INO80: variants seen among roughly 807,000 people sequenced by gnomAD.
INO80 encodes the protein INO80 complex ATPase subunit.
A neutral mutation model predicts 203.4 loss-of-function variants in INO80; 20 were observed. That is an observed-to-expected ratio of 0.10 (90% CI 0.07 to 0.14). INO80 has a LOEUF of 0.14. INO80 is among the 10% of genes least tolerant of loss of function. The probability of loss-of-function intolerance (pLI) is 1.00; values close to 1 mark genes in which losing one functional copy is unlikely to be tolerated. For synonymous variants in INO80, 726 were observed against 685.2 expected, an observed-to-expected ratio of 1.06 and a Z score of -0.93; for missense variants, 1,419 against 1,914.4, an observed-to-expected ratio of 0.74 and a Z score of 4.83.
chr15:41,021,352 CAA>C (rs1232906319), intron 25 of INO80, among the ~76,000 whole-genome samples: 2 of 152,108 alleles, frequency 1.3e-5, no homozygotes, highest in Non-Finnish European at 2.9e-5. Context: ...ACTAAAGATC[CAA>C]AGAGAGCTGG....
chr15:40,984,473 A>T, intron 32 of INO80, 121 bp from the exon 33 acceptor site: 1 of 887,350 alleles, frequency 1.1e-6, no homozygotes, highest in Non-Finnish European at 1.7e-6. Flanking sequence ...CTCAATTAGC[A>T]TATTTTTACG....
intron 14 of INO80, among the ~76,000 whole-genome samples, chr15:41,062,894 C>G (rs1000297687): frequency 6.6e-6 from 1 of 152,072 alleles, no homozygotes; most frequent in South Asian, 2.1e-4. Context: ...GTTATAGCAG[C>G]ACAAAACAAA....
intron 1 of INO80, among the ~76,000 whole-genome samples, chr15:41,098,767 G>A (rs1177777542): frequency 2.0e-5 from 3 of 152,050 alleles, no homozygotes; most frequent in Admixed American, 1.3e-4. Flanking sequence ...TTACACAGTT[G>A]TTTGTCAGTG....
chr15:41,036,921 C>CA (rs1456605881), intron 24 of INO80, among the ~76,000 whole-genome samples: 1 of 152,002 alleles, frequency 6.6e-6, no homozygotes, highest in East Asian at 1.9e-4. Flanking sequence ...GCCAATATGG[C>CA]AAAACCCCGT....
At position 40,980,218 on chromosome 15, in the gene INO80, G is replaced by C. The variant is rs1477821736; in HGVS notation, c.*5C>G. The C allele has an allele frequency of 6.2e-7, 1 of 1,611,678 alleles. No homozygotes were observed. Among genetic ancestry groups the C allele is most frequent in the South Asian group, 1.1e-5 (1 of 90,994 alleles). On this transcript the variant is annotated 3_prime_UTR_variant, in exon 36 of 36. Transcript: ENST00000648947. ...TGGTTGAAGGAAGTCGGAGGGCCCA[G>C]ATGGTTACCGTCCTCCAGAGGGGTT...
chr15:40,984,632 GAA>G (rs5812178), intron 32 of INO80, among the ~76,000 whole-genome samples: 75 of 132,894 alleles, frequency 5.6e-4, no homozygotes, highest in African/African-American at 1.1e-3. Context: ...CAGCTCAAAA[GAA>G]AAAAAAAAAA....
rs192453165 is a variant in INO80, at chr15:41,023,705, G to T, written c.3049-2580C>A. Among the ~76,000 whole-genome samples, 503 of 128,100 alleles carry T rather than the reference G, an allele frequency of 3.9e-3. 4 individuals are homozygous for T. The highest frequency in any genetic ancestry group is 7.2e-3 in the Admixed American group (76 of 10,502). The allele number at this position is 128,100 out of a possible 152,430, so 84.0% of individuals were successfully genotyped here. ...AATCACTTGAATCCAAGAGGTGGAG[G>T]TTACAGTGAGCTGAGATTGCACCAC... On this transcript the variant is annotated intron_variant, in intron 25 of 35. Transcript: ENST00000648947.
In INO80 at chr15:41,099,271, A is replaced by ACACC. The variant is rs1491224976; in HGVS notation, c.-43-2919_-43-2918insGGTG. On this transcript the variant is annotated intron_variant, in intron 1 of 35. Transcript: ENST00000648947. ...AAAAAAAAAAAAAAAAAAAAAACAA[A>ACACC]CACACACACACACACACAACAAGAG... 4.0e-3 allele frequency among the ~76,000 whole-genome samples: 317 copies of ACACC among 79,854 alleles called. 2 individuals carry two copies. Among genetic ancestry groups the ACACC allele is most frequent in the South Asian group, 0.021 (51 of 2,484 alleles). 52.4% of individuals were successfully genotyped at this position (79,854 alleles called of 152,430 possible).
chr15:41,110,309 C>G (rs769338352), intron 1 of INO80, among the ~76,000 whole-genome samples: 13 of 150,732 alleles, frequency 8.6e-5, no homozygotes, highest in Non-Finnish European at 1.6e-4. Context: ...CACACTCACC[C>G]AATTTTTGTG....
chr15:41,090,877 G>A (rs1596321641), intron 5 of INO80, among the ~76,000 whole-genome samples: 1 of 150,010 alleles, frequency 6.7e-6, no homozygotes, highest in African/African-American at 2.5e-5. Context: ...TAGTACATCC[G>A]AAGTATTAGT....
At chr15:41,001,055 T>A (rs540133678) in intron 28 of INO80, among the ~76,000 whole-genome samples, 1 of 152,350 alleles carries the variant, frequency 6.6e-6, no homozygotes, top group Admixed American at 6.5e-5. Flanking sequence ...ACTATACTGC[T>A]GTAAAAAACA....
At position 41,085,425 on chromosome 15, in the gene INO80, G is replaced by A. The variant is rs1449157066; in HGVS notation, c.817C>T (p.Leu273=). The change falls in exon 7 of 36, where the codon CTG becomes TTG. Residue 273 remains leucine (L), a synonymous_variant. Coordinates refer to ENST00000648947, the MANE Select transcript of INO80 (RefSeq NM_017553.3). ...CATACTTTCCTGCGACGAGCATTCA[G>A]CTGCTCAATGGATAAGTGCTTTTTC... ...TKKKHLSIEQ[L]NARRRKVWLS... The A allele has an allele frequency of 6.2e-7, 1 of 1,614,190 alleles. No individual in the cohort carries two copies. The highest frequency in any genetic ancestry group is 8.5e-7 in the Non-Finnish European group (1 of 1,180,046).
Position 40,984,224 on chromosome 15 carries a change from G to C in INO80, c.4050C>G (p.Asp1350Glu). 1.9e-6 allele frequency: 3 copies of C among 1,613,700 alleles called. No individual in the cohort carries two copies. Among genetic ancestry groups the C allele is most frequent in the Non-Finnish European group, 2.5e-6 (3 of 1,179,832 alleles). ...ADGDDSFISV[D>E]SAMPSPFSEI... ...CACTGAAAGGGCTTGGCATGGCTGA[G>C]TCCACGCTAATGAAGGAGTCATCTC... Residue 1350 changes from aspartate (D) to glutamate (E), a missense_variant, in exon 33 of 36, where the codon GAC becomes GAG. Around this residue, in one of 9 missense-constraint regions of INO80, gnomAD observed 214 missense variants for 248.9 expected, o/e 0.86. Coordinates refer to ENST00000648947, the MANE Select transcript of INO80 (RefSeq NM_017553.3).
In INO80 at chr15:41,056,646, G is replaced by A. The variant is rs1566931404; in HGVS notation, c.2046C>T (p.Thr682=). The A allele has an allele frequency of 6.2e-7, 1 of 1,613,868 alleles. No homozygotes were observed. The highest frequency in any genetic ancestry group is 1.3e-5 in the African/African-American group (1 of 75,000). ...CCTCTGCCATGGTGTTCTGAATTGG[G>A]GTCCCGGTTAGCAAAAGCCGATTCC... ...QCRNRLLLTG[T]PIQNTMAELW... Residue 682 remains threonine, a synonymous_variant, in exon 17 of 36, where the codon ACC becomes ACT. Transcript: ENST00000648947.
intron 1 of INO80, among the ~76,000 whole-genome samples, chr15:41,111,451 A>C (rs1304660960): frequency 2.0e-5 from 3 of 152,010 alleles, no homozygotes; most frequent in Non-Finnish European, 4.4e-5. Context: ...TCTCAAAAAA[A>C]AGAATTTTTT....
At chr15:40,990,826 G>A (rs1371398309) in intron 29 of INO80, among the ~76,000 whole-genome samples, 5 of 152,182 alleles carry the variant, frequency 3.3e-5, no homozygotes, top group African/African-American at 9.7e-5. Context: ...TGGACTAGAG[G>A]ATAACATTAC....
chr15:41,027,516 T>C, intron 25 of INO80, 80 bp downstream of exon 25: 1 of 1,214,142 alleles, frequency 8.2e-7, no homozygotes, highest in Non-Finnish European at 1.2e-6. Context: ...AACAATTCTG[T>C]TTAAGAAATA....
At chr15:41,027,415 T>C (rs1377966830) in intron 25 of INO80, among the ~76,000 whole-genome samples, 181 bp downstream of exon 25, 2 of 152,244 alleles carry the variant, frequency 1.3e-5, no homozygotes, top group Non-Finnish European at 2.9e-5. Context: ...TGAAGGTGAA[T>C]ATAAGTGTTG....
rs972677908 is a variant in INO80 at position 41,066,583 on chromosome 15, C to T, written c.1782+2987G>A. On this transcript the variant is annotated intron_variant, in intron 14 of 35. Coordinates refer to ENST00000648947, the MANE Select transcript of INO80 (RefSeq NM_017553.3). Reference sequence around the variant, plus strand: ...GTGGCTCGTGCCTATAATCCCAGCACTTTAAGAGGCCAAGGTGGGATGATT... The same window carrying T: ...GTGGCTCGTGCCTATAATCCCAGCATTTTAAGAGGCCAAGGTGGGATGATT... Among the ~76,000 whole-genome samples, 8 of 151,472 alleles carry T rather than the reference C, an allele frequency of 5.3e-5. No homozygotes were observed. The South Asian group carries it at 1.5e-3, about 28-fold the overall frequency.
Sources: gnomAD v4.1 joint callset for allele counts (sites outside exome capture counted in the v4.1 genomes callset) on GRCh38, gnomAD v4.1.1 for gene constraint, gnomAD v4.1.1 regional missense constraint, MANE v1.5 for transcripts, NCBI Gene and HGNC (gene_info 2026-07-23, HGNC 2026-07-21) for gene names.